TMEFF2: variants seen among roughly 807,000 people sequenced by gnomAD.
TMEFF2 encodes the protein tomoregulin-2.
In TMEFF2, 28 loss-of-function variants were observed where a neutral mutation model predicts 53.8. That is an observed-to-expected ratio of 0.52 (90% confidence interval 0.39 to 0.71). The LOEUF is 0.71. Ranked by LOEUF, TMEFF2 falls within the 30% of genes least tolerant of loss-of-function variation. The probability of loss-of-function intolerance (pLI) is 0.00; values close to 1 mark genes in which losing one functional copy is unlikely to be tolerated. For missense variants in TMEFF2, 353 were observed against 455.2 expected, an observed-to-expected ratio of 0.78 and a Z score of 2.04; for synonymous variants, 162 against 166.3, an observed-to-expected ratio of 0.97 and a Z score of 0.20.
chr2:191,979,591 A>T (rs963964156), intron 7 of TMEFF2, among the ~76,000 whole-genome samples: 24 of 152,152 alleles, frequency 1.6e-4, no homozygotes, highest in African/African-American at 5.3e-4. Context: ...TTATATGTAG[A>T]TGTAGCTATA....
chr2:192,058,122 T>G (rs895328215), intron 4 of TMEFF2, among the ~76,000 whole-genome samples: 2 of 152,182 alleles, frequency 1.3e-5, no homozygotes, highest in African/African-American at 4.8e-5. Flanking sequence ...GAGGGAGAGA[T>G]CTACTGTCTA....
intron 4 of TMEFF2, among the ~76,000 whole-genome samples, chr2:192,119,440 A>G (rs1446863081): frequency 6.6e-6 from 1 of 152,196 alleles, no homozygotes; most frequent in Non-Finnish European, 1.5e-5. Context: ...ATTCATGAGC[A>G]TATGATTTTA....
chr2:191,988,100 C>T (rs1461330610), intron 7 of TMEFF2, among the ~76,000 whole-genome samples: 5 of 152,150 alleles, frequency 3.3e-5, no homozygotes, highest in African/African-American at 1.2e-4. Flanking sequence ...TAGAATATAG[C>T]ACTGACAATC....
chr2:191,969,661 T>C (rs762588913), intron 7 of TMEFF2, among the ~76,000 whole-genome samples: 2 of 152,178 alleles, frequency 1.3e-5, no homozygotes, highest in Non-Finnish European at 2.9e-5. Context: ...GAAATGGCAA[T>C]GAGAGAATTT....
chr2:192,093,917 C>T (rs988380104), intron 4 of TMEFF2, among the ~76,000 whole-genome samples: 2 of 151,990 alleles, frequency 1.3e-5, no homozygotes, highest in Non-Finnish European at 2.9e-5. Context: ...AAGAAACTTG[C>T]GTTTTCATCT....
intron 4 of TMEFF2, among the ~76,000 whole-genome samples, chr2:192,136,253 A>G (rs4853661): frequency 0.28 from 41,867 of 152,132 alleles, 7,141 homozygotes; most frequent in Admixed American, 0.36. Flanking sequence ...CTGAATCTTA[A>G]AAGGTTAAAT....
chr2:191,964,406 T>TTCTTTC (rs1692406090), intron 7 of TMEFF2, among the ~76,000 whole-genome samples: 1 of 105,358 alleles, frequency 9.5e-6, no homozygotes, highest in Non-Finnish European at 1.8e-5. Context: ...TTCTCTTTCT[T>TTCTTTC]TCTTTCTTTC....
intron 7 of TMEFF2, among the ~76,000 whole-genome samples, chr2:191,971,009 T>C (rs527445872): frequency 3.0e-4 from 46 of 152,346 alleles, no homozygotes; most frequent in Admixed American, 5.2e-4. Context: ...TAAGAGCTGA[T>C]GTGTAGCTAA....
intron 4 of TMEFF2, among the ~76,000 whole-genome samples, chr2:192,121,811 G>A (rs150095416): frequency 1.3e-5 from 2 of 152,254 alleles, no homozygotes; most frequent in East Asian, 3.9e-4. Flanking sequence ...AGTATAAACT[G>A]CCTGTAGGAA....
chr2:192,067,754 C>G (rs1210700879), intron 4 of TMEFF2, among the ~76,000 whole-genome samples: 6 of 151,822 alleles, frequency 4.0e-5, no homozygotes, highest in Non-Finnish European at 8.8e-5. Context: ...ATTGAGTTAA[C>G]TTTAACCTAC....
rs78767732 is a variant in TMEFF2, at chr2:191,980,283, G to C, written c.745+17979C>G. On this transcript the variant is annotated intron_variant, in intron 7 of 9. Coordinates refer to ENST00000272771, the MANE Select transcript of TMEFF2 (RefSeq NM_016192.4). ...CATGGAGTGACATGGACAGGAAAGA[G>C]AGTGGCCCAGCAGCCCTACCCTGGA... 5.8e-3 allele frequency among the ~76,000 whole-genome samples: 887 copies of C among 152,300 alleles called. 6 individuals are homozygous for C. The highest frequency in any genetic ancestry group is 0.02 in the African/African-American group (842 of 41,566).
At chr2:191,984,472 T>A (rs910199306) in intron 7 of TMEFF2, among the ~76,000 whole-genome samples, 1 of 152,150 alleles carries the variant, frequency 6.6e-6, no homozygotes, top group East Asian at 1.9e-4. Flanking sequence ...ATGTTTCTAT[T>A]CATTGAGAAA....
chr2:192,109,723 A>G (rs1689232208), intron 4 of TMEFF2, among the ~76,000 whole-genome samples: 1 of 152,152 alleles, frequency 6.6e-6, no homozygotes, highest in African/African-American at 2.4e-5. Flanking sequence ...AGGAACTTCA[A>G]TTAGAACTCC....
At chr2:192,055,502 T>C (rs1235715887) in intron 5 of TMEFF2, among the ~76,000 whole-genome samples, 1 of 151,954 alleles carries the variant, frequency 6.6e-6, no homozygotes, top group Non-Finnish European at 1.5e-5. Context: ...TGGCTGGGCG[T>C]GGTAGCTCAC....
At chr2:192,073,773 C>T (rs1395888105) in intron 4 of TMEFF2, among the ~76,000 whole-genome samples, 1 of 151,858 alleles carries the variant, frequency 6.6e-6, no homozygotes, top group Non-Finnish European at 1.5e-5. Flanking sequence ...CATTCCTTCA[C>T]CTTTTAAGAA....
At chr2:192,019,865 TA>T (rs1420887708) in intron 5 of TMEFF2, among the ~76,000 whole-genome samples, 1 of 152,070 alleles carries the variant, frequency 6.6e-6, no homozygotes, top group Non-Finnish European at 1.5e-5. Flanking sequence ...AGAATTATTT[TA>T]AAGGCCTTGA....
intron 4 of TMEFF2, among the ~76,000 whole-genome samples, chr2:192,109,684 T>C (rs1689231546): frequency 1.3e-5 from 2 of 152,088 alleles, no homozygotes; most frequent in Non-Finnish European, 2.9e-5. Flanking sequence ...CAACCATTTG[T>C]TTTCTGACTT....
At chr2:191,969,404 G>A (rs1006418795) in intron 7 of TMEFF2, among the ~76,000 whole-genome samples, 3 of 152,008 alleles carry the variant, frequency 2.0e-5, no homozygotes. Flanking sequence ...ACAAGGTAAG[G>A]TGCAATATGG....
chr2:192,050,967 A>C (rs1166636638), intron 5 of TMEFF2, among the ~76,000 whole-genome samples: 1 of 152,084 alleles, frequency 6.6e-6, no homozygotes, highest in Non-Finnish European at 1.5e-5. Flanking sequence ...CCCCACCCCG[A>C]AACATTTTTT....
Sources: allele counts gnomAD v4.1 joint callset (sites outside exome capture counted in the v4.1 genomes callset), GRCh38; gene constraint gnomAD v4.1.1; transcripts MANE v1.5; gene names NCBI Gene and HGNC (gene_info 2026-07-23, HGNC 2026-07-21).